NADSYN1: variants seen among roughly 807,000 people sequenced by gnomAD.
The protein encoded by NADSYN1 is glutamine-dependent NAD(+) synthetase.
Under a neutral mutation model 99.3 loss-of-function variants are expected in NADSYN1, and 80 were observed. The observed-to-expected ratio is 0.81, with a 90% CI of 0.67 to 0.97. The LOEUF is 0.97. NADSYN1 is among the 50% of genes least tolerant of loss of function. NADSYN1 has a pLI of 0.00. For synonymous variants in NADSYN1, 385 were observed against 372.1 expected (o/e 1.03, Z -0.40); for missense variants, 859 against 948.5 (o/e 0.91, Z 1.24).
At position 71,489,930 on chromosome 11, in the gene NADSYN1, A is replaced by G. The variant is rs542410286; in HGVS notation, c.1563-915A>G. On this transcript the variant is annotated intron_variant, in intron 16 of 20. Transcript: ENST00000319023. ...TGGAGGAGATGGGTGGTCAGCCAGGAGTCCCGTGGAGAACCTGGAGGCCTG... is the reference window on the plus strand; with the variant it reads ...TGGAGGAGATGGGTGGTCAGCCAGGGGTCCCGTGGAGAACCTGGAGGCCTG... Among the ~76,000 whole-genome samples, 6 of 152,286 alleles carry G rather than the reference A, an allele frequency of 3.9e-5. No individual in the cohort carries two copies. In the East Asian group the frequency reaches 1.2e-3, roughly 29 times the overall value.
intron 17 of NADSYN1, among the ~76,000 whole-genome samples, chr11:71,491,194 C>T (rs146183491): frequency 2.0e-4 from 31 of 152,370 alleles, no homozygotes; most frequent in Non-Finnish European, 3.1e-4. Flanking sequence ...GAGCTGTGGC[C>T]TCCTGCCTCC....
At chr11:71,476,340 C>G in intron 9 of NADSYN1, 1 of 354,298 alleles carries the variant, frequency 2.8e-6, no homozygotes, top group Non-Finnish European at 5.6e-6. Flanking sequence ...GCAGGGCGAG[C>G]TTGTGTCCTG....
At chr11:71,469,927 G>GAAAACAAAAAAA (rs1949615938) in intron 5 of NADSYN1, among the ~76,000 whole-genome samples, 1 of 109,180 alleles carries the variant, frequency 9.2e-6, no homozygotes, top group Non-Finnish European at 1.7e-5. Flanking sequence ...GCCTGTCTCA[G>GAAAACAAAAAAA]AAAAAAAAAA....
intron 16 of NADSYN1, among the ~76,000 whole-genome samples, chr11:71,489,628 C>T (rs1366384717): frequency 2.6e-5 from 4 of 152,208 alleles, no homozygotes; most frequent in South Asian, 2.1e-4. Context: ...GAGCTTTGGA[C>T]GGGACAGGAC....
chr11:71,484,413 G>T lies in NADSYN1; in HGVS notation c.1421G>T (p.Ser474Ile). Residue 474 changes from serine to isoleucine, a missense_variant, in exon 15 of 21, where the codon AGC (serine) becomes ATC (isoleucine). By Grantham distance (142) the Ser-to-Ile change is moderately radical. Coordinates refer to ENST00000319023, the MANE Select transcript of NADSYN1 (RefSeq NM_018161.5). ...CCTCTGTTTGCAGCTCATGGAGGAAGCAGCAGGGAAAACCTGGCGCTGCAA... is the reference window on the plus strand; with the variant it reads ...CCTCTGTTTGCAGCTCATGGAGGAATCAGCAGGGAAAACCTGGCGCTGCAA... ...KSPLFAAHGG[S>I]SRENLALQNV... 1 of 1,614,148 alleles carries T rather than the reference G, an allele frequency of 6.2e-7. No homozygotes were observed. The highest frequency in any genetic ancestry group is 8.5e-7 in the Non-Finnish European group (1 of 1,179,994).
Position 71,491,821 on chromosome 11 carries a change from GT to G in NADSYN1, c.1695-9del. 1 of 1,613,752 alleles carries G rather than the reference GT, an allele frequency of 6.2e-7. No individual in the cohort carries two copies. The highest frequency in any genetic ancestry group is 1.1e-5 in the South Asian group (1 of 91,046). ...CAGCTGCACTGACCGACCTCTGTGTGTTTTGGCTGCAGCATCCTGTTGGCGC... is the reference window on the plus strand; with the variant it reads ...CAGCTGCACTGACCGACCTCTGTGTGTTTGGCTGCAGCATCCTGTTGGCGC... On this transcript the variant is annotated splice_polypyrimidine_tract_variant and intron_variant, in intron 17 of 20. Coordinates refer to ENST00000319023, the MANE Select transcript of NADSYN1 (RefSeq NM_018161.5).
intron 6 of NADSYN1, 70 bp from the exon 7 acceptor site, chr11:71,473,208 C>A: frequency 7.0e-7 from 1 of 1,429,804 alleles, no homozygotes; most frequent in Non-Finnish European, 9.8e-7. Context: ...ATGTCCGTGG[C>A]CCTAGGTAGT....
At chr11:71,486,899 G>A (rs939423043) in intron 16 of NADSYN1, among the ~76,000 whole-genome samples, 11 of 144,738 alleles carry the variant, frequency 7.6e-5, no homozygotes, top group East Asian at 2.1e-4. Flanking sequence ...TCCGCCTCCC[G>A]GGTTCACGCC....
intron 16 of NADSYN1, among the ~76,000 whole-genome samples, chr11:71,489,970 G>A (rs1949768249): frequency 1.3e-5 from 2 of 152,354 alleles, no homozygotes; most frequent in South Asian, 4.1e-4. Context: ...AGCGTTGGCA[G>A]CGGGGTGGGG....
chr11:71,469,172 G>T (rs1949611662), intron 5 of NADSYN1, among the ~76,000 whole-genome samples: 1 of 152,190 alleles, frequency 6.6e-6, no homozygotes, highest in South Asian at 2.1e-4. Context: ...AAGACCAAAC[G>T]AAAGGCCAGG....
At chr11:71,454,182 C>T (rs1949498360) in intron 1 of NADSYN1, among the ~76,000 whole-genome samples, 1 of 152,144 alleles carries the variant, frequency 6.6e-6, no homozygotes, top group African/African-American at 2.4e-5. Flanking sequence ...CAAGAGATGG[C>T]ATCTAATCAG....
intron 3 of NADSYN1, chr11:71,458,913 C>A: frequency 4.2e-6 from 1 of 236,888 alleles, no homozygotes; most frequent in South Asian, 5.0e-5. Context: ...TTCCCATGTC[C>A]TAGGCTGCAT....
At chr11:71,480,960 A>C in intron 11 of NADSYN1, 81 bp downstream of exon 11, 1 of 1,573,390 alleles carries the variant, frequency 6.4e-7, no homozygotes, top group Non-Finnish European at 8.7e-7. Flanking sequence ...GAGGTCACGC[A>C]GTGGGTTTTC....
chr11:71,486,116 G>C (rs1428555551), intron 16 of NADSYN1, among the ~76,000 whole-genome samples: 1 of 152,172 alleles, frequency 6.6e-6, no homozygotes, highest in South Asian at 2.1e-4. Flanking sequence ...TGCCCCTCAA[G>C]TCCAGCAGTG....
chr11:71,473,281 A>G lies in NADSYN1; in HGVS notation c.463A>G (p.Thr155Ala). 1.2e-6 allele frequency: 2 copies of G among 1,614,130 alleles called. No homozygotes were observed. Among genetic ancestry groups the G allele is most frequent in the South Asian group, 2.2e-5 (2 of 91,086 alleles). Residue 155 changes from threonine (T) to alanine (A), a missense_variant, in exon 7 of 21, where the codon ACC (threonine) becomes GCC (alanine). Physicochemically the swap from Thr to Ala is moderately conservative, Grantham distance 58. Transcript: ENST00000319023. The stretch of plus-strand genomic sequence containing the variant: ...CACTCTTCTCTTCCGACTGCAGGAA[A>G]CCGTACCCTTCGGAGATGCGGTGCT... Reference protein sequence around the residue: ...RMIQDLTKQETVPFGDAVLVT... With the variant: ...RMIQDLTKQEAVPFGDAVLVT...
chr11:71,501,413 T>G lies in NADSYN1; in HGVS notation c.*61T>G. On this transcript the variant is annotated 3_prime_UTR_variant, in exon 21 of 21. Transcript: ENST00000319023. ...GACCCCAGCACCTCATCATCAGCAT[T>G]GCTGGAGCCAAGGGTAGGAGCCCTA... is the stretch of plus-strand genomic sequence containing the variant. The G allele has an allele frequency of 6.6e-7, 1 of 1,517,262 alleles. No individual in the cohort carries two copies. Among genetic ancestry groups the G allele is most frequent in the Non-Finnish European group, 9.0e-7 (1 of 1,116,090 alleles). The allele number at this position is 1,517,262 out of a possible 1,614,324, so 94.0% of individuals were successfully genotyped here.
At chr11:71,459,020 G>T (rs552889821) in intron 3 of NADSYN1, 3 of 181,942 alleles carry the variant, frequency 1.6e-5, no homozygotes, top group Admixed American at 5.7e-5. Context: ...TGCACACGCT[G>T]TGCTGGTGTC....
intron 15 of NADSYN1, chr11:71,484,769 C>A (rs910598035): frequency 7.0e-5 from 23 of 328,172 alleles, no homozygotes; most frequent in African/African-American, 4.8e-4. Context: ...GAGGGTGTGT[C>A]TGAGCCTGAG....
chr11:71,465,438 A>G (rs760700191), intron 5 of NADSYN1, among the ~76,000 whole-genome samples: 11 of 152,190 alleles, frequency 7.2e-5, no homozygotes, highest in Non-Finnish European at 1.6e-4. Flanking sequence ...CGCAGATCAC[A>G]TGGAACTCTC....
Sources: allele counts gnomAD v4.1 joint callset (sites outside exome capture counted in the v4.1 genomes callset), GRCh38; gene constraint gnomAD v4.1.1; transcripts MANE v1.5; gene names NCBI Gene and HGNC (gene_info 2026-07-23, HGNC 2026-07-21).